Variants in MAST2 observed in about 807,000 individuals in gnomAD.
MAST2 encodes the protein microtubule-associated serine/threonine-protein kinase 2.
Under a neutral mutation model 147.4 loss-of-function variants are expected in MAST2, and 70 were observed. The ratio of observed to expected loss-of-function variants is 0.47; its 90% confidence interval spans 0.39 to 0.58. The LOEUF (loss-of-function observed/expected upper bound fraction) is 0.58. Among genes scored for constraint, MAST2 ranks in the 20% least tolerant of loss-of-function variants. MAST2 has a pLI of 0.00. For missense variants in MAST2, 2,080 were observed against 2,302.3 expected (o/e 0.90, Z 1.98); for synonymous variants, 869 against 896.8 (o/e 0.97, Z 0.55).
At chr1:45,882,489 C>A in intron 4 of MAST2, 94 bp downstream of exon 4, 2 of 979,672 alleles carry the variant, frequency 2.0e-6, no homozygotes, top group South Asian at 1.4e-5. Flanking sequence ...GAATCCCGCT[C>A]AGTACACAAT....
chr1:45,976,973 A>G (rs1370723266), intron 5 of MAST2, among the ~76,000 whole-genome samples: 1 of 152,236 alleles, frequency 6.6e-6, no homozygotes, highest in East Asian at 1.9e-4. Flanking sequence ...GTGGCACTAT[A>G]GAGCTGTAGG....
At chr1:45,916,940 T>C (rs997807742) in intron 4 of MAST2, among the ~76,000 whole-genome samples, 1 of 152,132 alleles carries the variant, frequency 6.6e-6, no homozygotes, top group Admixed American at 6.6e-5. Flanking sequence ...TAGCTGGGTG[T>C]GGTGGTGCAT....
At chr1:45,960,154 G>A (rs143152163) in intron 5 of MAST2, among the ~76,000 whole-genome samples, 223 of 152,240 alleles carry the variant, frequency 1.5e-3, no homozygotes, top group African/African-American at 5.2e-3. Flanking sequence ...CTCTAGCCCT[G>A]GAATATGGGC....
intron 1 of MAST2, among the ~76,000 whole-genome samples, chr1:45,812,839 C>T (rs1038381239): frequency 6.6e-6 from 1 of 152,196 alleles, no homozygotes; most frequent in African/African-American, 2.4e-5. Flanking sequence ...TCTGCTTCTT[C>T]CCCAGTCTGC....
chr1:45,966,188 G>A (rs1661169336), intron 5 of MAST2, among the ~76,000 whole-genome samples: 1 of 152,072 alleles, frequency 6.6e-6, no homozygotes, highest in Non-Finnish European at 1.5e-5. Context: ...TCTTTCCATG[G>A]CTTGATAGCT....
At chr1:45,970,240 C>T (rs1475105058) in intron 5 of MAST2, among the ~76,000 whole-genome samples, 1 of 151,998 alleles carries the variant, frequency 6.6e-6, no homozygotes, top group East Asian at 1.9e-4. Flanking sequence ...AATTTGGGAG[C>T]CCCCCCATGA....
chr1:46,032,384 A>T lies in MAST2; in HGVS notation c.3394A>T (p.Thr1132Ser), dbSNP rs779818493. The change falls in exon 25 of 29, where the codon ACC (threonine) becomes TCC (serine). Residue 1132 changes from threonine to serine, a missense_variant. Physicochemically the swap from Thr to Ser is moderately conservative, Grantham distance 58. This residue lies in a region of MAST2 where 1,278 missense variants were observed against 1,304.2 expected (regional missense o/e 0.98). Coordinates refer to ENST00000361297, the MANE Select transcript of MAST2 (RefSeq NM_015112.3). ...RVYMGDSDVYTVHHMVWHVED... is the reference protein window; with the variant it reads ...RVYMGDSDVYSVHHMVWHVED... ...CTACATGGGTGACTCCGATGTCTACACCGTGCACCATATGGTGTGGGTATG... is the reference window on the plus strand; with the variant it reads ...CTACATGGGTGACTCCGATGTCTACTCCGTGCACCATATGGTGTGGGTATG... The T allele has an allele frequency of 6.2e-7, 1 of 1,614,102 alleles. No individual in the cohort carries two copies. Among genetic ancestry groups the T allele is most frequent in the Non-Finnish European group, 8.5e-7 (1 of 1,179,992 alleles).
intron 5 of MAST2, among the ~76,000 whole-genome samples, chr1:45,975,314 T>C (rs1644091636): frequency 6.6e-6 from 1 of 151,998 alleles, no homozygotes; most frequent in Non-Finnish European, 1.5e-5. Flanking sequence ...GAAAGCTCAT[T>C]CTAAGATCCG....
chr1:45,840,031 G>A (rs1271464065), intron 3 of MAST2, among the ~76,000 whole-genome samples: 1 of 152,162 alleles, frequency 6.6e-6, no homozygotes, highest in African/African-American at 2.4e-5. Context: ...AGGAAAACGA[G>A]AAAATTTTTG....
At chr1:45,903,099 T>G (rs1272009351) in intron 4 of MAST2, among the ~76,000 whole-genome samples, 1 of 150,152 alleles carries the variant, frequency 6.7e-6, no homozygotes, top group Non-Finnish European at 1.5e-5. Flanking sequence ...TTTTTGATGT[T>G]AAGCATTTAG....
At chr1:45,928,210 A>G (rs1357509727) in intron 4 of MAST2, among the ~76,000 whole-genome samples, 1 of 152,198 alleles carries the variant, frequency 6.6e-6, no homozygotes, top group Non-Finnish European at 1.5e-5. Context: ...TCTCTTGCTT[A>G]TTTTGAAGCA....
At chr1:45,811,440 G>A (rs955364475) in intron 1 of MAST2, among the ~76,000 whole-genome samples, 4 of 150,564 alleles carry the variant, frequency 2.7e-5, no homozygotes, top group Admixed American at 2.0e-4. Context: ...CCGGGTTCGC[G>A]CCATTCTCTT....
intron 4 of MAST2, among the ~76,000 whole-genome samples, chr1:45,916,634 A>C (rs1036238219): frequency 2.3e-4 from 35 of 152,212 alleles, no homozygotes; most frequent in African/African-American, 7.0e-4. Flanking sequence ...TGTTGATATA[A>C]TCAATAATTT....
At chr1:45,883,878 A>C in intron 4 of MAST2, among the ~76,000 whole-genome samples, 1 of 68,112 alleles carries the variant, frequency 1.5e-5, no homozygotes, top group African/African-American at 5.6e-5. Context: ...ATAGTCAGGA[A>C]ATATTTGTAC....
chr1:45,933,250 G>A (rs182882703), intron 4 of MAST2, among the ~76,000 whole-genome samples: 1 of 145,566 alleles, frequency 6.9e-6, no homozygotes, highest in Non-Finnish European at 1.5e-5. Context: ...GGGGGGTTGG[G>A]GGGGGCAAAT....
intron 3 of MAST2, among the ~76,000 whole-genome samples, chr1:45,838,572 TTTGTC>T (rs1645176625): frequency 6.6e-6 from 1 of 152,132 alleles, no homozygotes; most frequent in Non-Finnish European, 1.5e-5. Flanking sequence ...GTTCAAAACT[TTTGTC>T]TATTTAAAAA....
intron 3 of MAST2, among the ~76,000 whole-genome samples, chr1:45,878,377 A>T (rs1646699106): frequency 6.6e-6 from 1 of 152,316 alleles, no homozygotes; most frequent in African/African-American, 2.4e-5. Context: ...GAGAAAGACT[A>T]TGAACAAATT....
Position 46,027,743 on chromosome 1 carries a change from A to G in MAST2, c.1932A>G (p.Thr644=), listed in dbSNP as rs1646475228. 1 of 1,609,836 alleles carries G rather than the reference A, an allele frequency of 6.2e-7. No individual in the cohort carries two copies. Among genetic ancestry groups the G allele is most frequent in the Non-Finnish European group, 8.5e-7 (1 of 1,178,860 alleles). Residue 644 remains threonine, a synonymous_variant, in exon 17 of 29, where the codon ACA becomes ACG. Coordinates refer to ENST00000361297, the MANE Select transcript of MAST2 (RefSeq NM_015112.3). The stretch of plus-strand genomic sequence containing the variant: ...TTCGTTCTTCCAGCCTCCTAATTAC[A>G]TCCATGGGGCACATCAAGCTCACGG... The part of the protein sequence containing the change: ...RDLKPDNLLI[T]SMGHIKLTDF...
chr1:45,977,479 A>C (rs948837691), intron 5 of MAST2, among the ~76,000 whole-genome samples: 1 of 146,300 alleles, frequency 6.8e-6, no homozygotes, highest in African/African-American at 2.6e-5. Context: ...CAAGAGGGAA[A>C]CTCTATCTCA....
Sources: allele counts gnomAD v4.1 joint callset (sites outside exome capture counted in the v4.1 genomes callset), GRCh38; gene constraint gnomAD v4.1.1; regional missense constraint gnomAD v4.1.1; transcripts MANE v1.5; gene names NCBI Gene and HGNC (gene_info 2026-07-23, HGNC 2026-07-21).